CRB1: variants seen among roughly 807,000 people sequenced by gnomAD.
CRB1 encodes protein crumbs homolog 1.
Under a neutral mutation model 120.0 loss-of-function variants are expected in CRB1, and 83 were observed. The observed-to-expected ratio is 0.69, with a 90% CI of 0.58 to 0.83. The LOEUF (loss-of-function observed/expected upper bound fraction) is 0.83. Among genes scored for constraint, CRB1 ranks in the 40% least tolerant of loss-of-function variants. The pLI is 0.00. For synonymous variants in CRB1, 625 were observed against 612.5 expected (o/e 1.02, Z -0.30); for missense variants, 1,699 against 1,687.6 (o/e 1.01, Z -0.12).
At chr1:197,467,680 T>C (rs1264513971) in intron 11 of CRB1, among the ~76,000 whole-genome samples, 1 of 152,224 alleles carries the variant, frequency 6.6e-6, no homozygotes, top group East Asian at 1.9e-4. Flanking sequence ...GGCATATTTA[T>C]CCCTTGTCTT....
chr1:197,306,949 T>A (rs905472903), intron 1 of CRB1, among the ~76,000 whole-genome samples: 1 of 151,968 alleles, frequency 6.6e-6, no homozygotes, highest in Non-Finnish European at 1.5e-5. Context: ...AAAAAAGGAG[T>A]CGATTTGTGT....
chr1:197,298,465 C>T (rs916850643), intron 1 of CRB1, among the ~76,000 whole-genome samples: 3 of 152,170 alleles, frequency 2.0e-5, no homozygotes, highest in South Asian at 2.1e-4. Flanking sequence ...CGAGAGGAAC[C>T]TTTAAGTAGT....
intron 5 of CRB1, among the ~76,000 whole-genome samples, chr1:197,406,929 A>G (rs1450114781): frequency 6.6e-6 from 1 of 152,244 alleles, no homozygotes; most frequent in Non-Finnish European, 1.5e-5. Flanking sequence ...CCATGAACAA[A>G]GTTAAAACTC....
At chr1:197,326,577 G>A (rs1658503297) in intron 1 of CRB1, among the ~76,000 whole-genome samples, 1 of 152,078 alleles carries the variant, frequency 6.6e-6, no homozygotes, top group Non-Finnish European at 1.5e-5. Context: ...GTTGCAGTGA[G>A]CTGAGATCAT....
At chr1:197,369,236 G>A (rs1168801021) in intron 5 of CRB1, among the ~76,000 whole-genome samples, 1 of 151,966 alleles carries the variant, frequency 6.6e-6, no homozygotes, top group Non-Finnish European at 1.5e-5. Flanking sequence ...ACCTACACCT[G>A]ACCTAATAAA....
intron 5 of CRB1, among the ~76,000 whole-genome samples, chr1:197,377,195 C>T (rs550501145): frequency 9.9e-5 from 15 of 152,202 alleles, no homozygotes; most frequent in East Asian, 1.9e-4. Context: ...TGTGATCTTA[C>T]GCACACACAC....
intron 1 of CRB1, among the ~76,000 whole-genome samples, chr1:197,281,792 A>T (rs1238122050): frequency 6.6e-6 from 1 of 151,842 alleles, no homozygotes; most frequent in Non-Finnish European, 1.5e-5. Context: ...AAATAATGGT[A>T]TGACTTTATC....
chr1:197,228,322 C>A, the CRB1 span, among the ~76,000 whole-genome samples: 2 of 152,150 alleles, frequency 1.3e-5, no homozygotes, highest in Non-Finnish European at 2.9e-5. Context: ...AAATGAAAAG[C>A]TTTAACAGCA....
At chr1:197,341,108 C>T (rs1416587100) in intron 2 of CRB1, among the ~76,000 whole-genome samples, 1 of 152,102 alleles carries the variant, frequency 6.6e-6, no homozygotes, top group Non-Finnish European at 1.5e-5. Context: ...CAATTACCTC[C>T]CACAGGGTCC....
the CRB1 span, among the ~76,000 whole-genome samples, chr1:197,262,747 T>G: frequency 6.6e-6 from 1 of 152,152 alleles, no homozygotes; most frequent in Non-Finnish European, 1.5e-5. Context: ...TACCCAATAT[T>G]TAGCTCCCAC....
intron 11 of CRB1, among the ~76,000 whole-genome samples, chr1:197,457,674 G>T (rs1248987535): frequency 6.6e-6 from 1 of 152,112 alleles, no homozygotes; most frequent in Non-Finnish European, 1.5e-5. Context: ...ACATTCCCAG[G>T]GCTGGCGGTA....
chr1:197,213,319 G>A, the CRB1 span, among the ~76,000 whole-genome samples: 1 of 152,296 alleles, frequency 6.6e-6, no homozygotes, highest in Non-Finnish European at 1.5e-5. Flanking sequence ...GAATTGTGTT[G>A]CCATGATTTG....
chr1:197,352,434 C>T (rs1169293527), intron 4 of CRB1, among the ~76,000 whole-genome samples: 1 of 152,096 alleles, frequency 6.6e-6, no homozygotes, highest in Non-Finnish European at 1.5e-5. Flanking sequence ...ATGTGTGTCT[C>T]GAGTCTTAGA....
chr1:197,421,446 G>A lies in CRB1; in HGVS notation c.1618G>A (p.Gly540Ser). 6.2e-7 allele frequency: 1 copy of A among 1,614,180 alleles called. No individual in the cohort carries two copies. The change falls in exon 6 of 12, where the codon GGC (glycine) becomes AGC (serine). Residue 540 changes from glycine (G) to serine (S), a missense_variant. Physicochemically the swap from Gly to Ser is moderately conservative, Grantham distance 56. Transcript: ENST00000367400. ...DVFVKLELLS[G>S]YIHLSIQVNN... is the part of the protein sequence containing the mutation. ...GTTTGTGAAGCTGGAGCTGCTAAGT[G>A]GCTACATTCACTTATCAATTCAGGT...
chr1:197,464,474 AT>A lies in CRB1; in HGVS notation c.4006-13179del, dbSNP rs910647431. Among the ~76,000 whole-genome samples the A allele has an allele frequency of 2.5e-3, 372 of 147,298 alleles. 2 individuals carry two copies. The highest frequency in any genetic ancestry group is 6.1e-3 in the African/African-American group (247 of 40,388). On this transcript the variant is annotated intron_variant, in intron 11 of 11. Coordinates refer to ENST00000367400, the MANE Select transcript of CRB1 (RefSeq NM_201253.3). ...GAAAAGTTATAGACCCAAGGGAAGT[AT>A]TTTTTTTTTTAAAGGGGCAGTGGGA... is the stretch of plus-strand genomic sequence containing the variant.
At chr1:197,442,122 A>G in intron 10 of CRB1, 44 bp from the exon 11 acceptor site, 4 of 1,613,898 alleles carry the variant, frequency 2.5e-6, no homozygotes, top group South Asian at 1.1e-5. Context: ...CAACCAATGT[A>G]TTCAACAGGG....
intron 1 of CRB1, among the ~76,000 whole-genome samples, chr1:197,298,443 A>C (rs1656667501): frequency 6.6e-6 from 1 of 152,118 alleles, no homozygotes. Context: ...TAAGAGGATT[A>C]AATGCTTCAG....
intron 5 of CRB1, among the ~76,000 whole-genome samples, chr1:197,415,400 A>C (rs1308840834): frequency 6.6e-6 from 1 of 152,168 alleles, no homozygotes; most frequent in Non-Finnish European, 1.5e-5. Context: ...CCACTGCCAG[A>C]AAATAAATAA....
At chr1:197,395,669 G>T (rs1273941969) in intron 5 of CRB1, among the ~76,000 whole-genome samples, 1 of 151,974 alleles carries the variant, frequency 6.6e-6, no homozygotes, top group Admixed American at 6.6e-5. Context: ...GACCTCCCTG[G>T]TTCATTGAAT....
Sources: gnomAD v4.1 joint callset for allele counts (sites outside exome capture counted in the v4.1 genomes callset) on GRCh38, gnomAD v4.1.1 for gene constraint, MANE v1.5 for transcripts, NCBI Gene and HGNC (gene_info 2026-07-23, HGNC 2026-07-21) for gene names.